Variants in IRF2BPL observed in about 807,000 individuals in gnomAD.
The protein encoded by IRF2BPL is probable E3 ubiquitin-protein ligase IRF2BPL.
IRF2BPL carries 13 observed loss-of-function variants against 51.2 expected under a neutral mutation model. That is an observed-to-expected ratio of 0.25 (90% CI 0.17 to 0.40). The LOEUF (loss-of-function observed/expected upper bound fraction) is 0.40, where lower values mean the gene tolerates loss of function less well. Among genes scored for constraint, IRF2BPL ranks in the 10% least tolerant of loss-of-function variants. The pLI is 1.00. For missense variants in IRF2BPL, 1,210 were observed against 1,111.8 expected, an observed-to-expected ratio of 1.09 and a Z score of -1.26; for synonymous variants, 768 against 509.2, an observed-to-expected ratio of 1.51 and a Z score of -6.84.
Position 77,026,923 on chromosome 14 carries a change from TG to T in IRF2BPL, c.869del (p.Pro290GlnfsTer55). ...GSRGPPTPAP[P>X]GAPGGPACLG... ...GACAAGCGGGGCCCCCAGGAGCCCCTGGGGGAGCAGGCGTCGGGGGCCCACG... is the reference window on the plus strand; with the variant it reads ...GACAAGCGGGGCCCCCAGGAGCCCCTGGGGAGCAGGCGTCGGGGGCCCACG... On this transcript the variant is annotated frameshift_variant, in exon 1 of 1. Transcript: ENST00000238647. LOFTEE classifies it high-confidence loss of function. 6.8e-7 allele frequency: 1 copy of T among 1,475,656 alleles called. No individual in the cohort carries two copies. 91.4% of individuals were successfully genotyped at this position (1,475,656 alleles called of 1,614,324 possible). A position where few individuals can be genotyped will look rare whatever the true frequency, so the allele number is the denominator to read the frequency against.
In IRF2BPL at chr14:77,027,173, C is replaced by G; in HGVS notation, c.620G>C (p.Gly207Ala). 6.2e-7 allele frequency: 1 copy of G among 1,612,850 alleles called. No homozygotes were observed. Among genetic ancestry groups the G allele is most frequent in the Non-Finnish European group, 8.5e-7 (1 of 1,179,542 alleles). The change falls in exon 1 of 1, where the codon GGA becomes GCA. Residue 207 changes from glycine to alanine, a missense_variant. By Grantham distance (60) the Gly-to-Ala change is moderately conservative. Coordinates refer to ENST00000238647, the MANE Select transcript of IRF2BPL (RefSeq NM_024496.4). ...GCTCTGACGGTTCAGCTCTGGGGGTCCCTCCTCTGGTGTTGGTTTGGGGAA... is the reference window on the plus strand; with the variant it reads ...GCTCTGACGGTTCAGCTCTGGGGGTGCCTCCTCTGGTGTTGGTTTGGGGAA... The part of the protein sequence containing the change: ...NGFPKPTPEE[G>A]PPELNRQSPN...
At position 77,027,528 on chromosome 14, in the gene IRF2BPL, C is replaced by T; in HGVS notation, c.265G>A (p.Ala89Thr). ...GCCGCCGCTGCTGCCGCCGCCGCCGCCGCTTCCTTAGCCGACAGGGCCACT... is the reference window on the plus strand; with the variant it reads ...GCCGCCGCTGCTGCCGCCGCCGCCGTCGCTTCCTTAGCCGACAGGGCCACT... ...KTVALSAKEA[A>T]AAAAAAAAAA... Residue 89 changes from alanine (A) to threonine (T), a missense_variant, in exon 1 of 1, where the codon GCG becomes ACG. Physicochemically the swap from Ala to Thr is moderately conservative, Grantham distance 58. Transcript: ENST00000238647. 2 of 708,908 alleles carry T rather than the reference C, an allele frequency of 2.8e-6. No individual in the cohort carries two copies. Among genetic ancestry groups the T allele is most frequent in the East Asian group, 1.3e-4 (1 of 7,738 alleles). 43.9% of individuals were successfully genotyped at this position (708,908 alleles called of 1,614,324 possible).
Position 77,027,867 on chromosome 14 carries a change from G to C in IRF2BPL, c.-75C>G, listed in dbSNP as rs1472744850. The stretch of plus-strand genomic sequence containing the variant: ...GCCTTCTCCTCCGGGAGGACTGGCC[G>C]GCTGGGGAGGGAGTCCGACTGCGGG... On this transcript the variant is annotated 5_prime_UTR_variant, in exon 1 of 1. Transcript: ENST00000238647. 2 of 1,407,462 alleles carry C rather than the reference G, an allele frequency of 1.4e-6. No individual in the cohort carries two copies. The highest frequency in any genetic ancestry group is 1.9e-6 in the Non-Finnish European group (2 of 1,076,232). 87.2% of individuals were successfully genotyped at this position (1,407,462 alleles called of 1,614,324 possible). A position where few individuals can be genotyped will look rare whatever the true frequency, so the allele number is the denominator to read the frequency against.
rs1483462957 is a variant in IRF2BPL, at chr14:77,025,170, A to C, written c.*232T>G. On this transcript the variant is annotated 3_prime_UTR_variant, in exon 1 of 1. Coordinates refer to ENST00000238647, the MANE Select transcript of IRF2BPL (RefSeq NM_024496.4). ...TGACCCAACCAATACTATACTGCTT[A>C]ACACAAACCAGCTTATCCTTCAAAT... 3.9e-5 allele frequency: 16 copies of C among 408,660 alleles called. No individual in the cohort carries two copies. The highest frequency in any genetic ancestry group is 6.6e-5 in the Non-Finnish European group (15 of 228,186). The allele number at this position is 408,660 out of a possible 1,614,324, so 25.3% of individuals were successfully genotyped here.
chr14:77,027,880 G>A lies in IRF2BPL; in HGVS notation c.-88C>T, dbSNP rs369705814. ...GGAGGACTGGCCGGCTGGGGAGGGAGTCCGACTGCGGGGGAGGGAGGAGGG... is the reference window on the plus strand; with the variant it reads ...GGAGGACTGGCCGGCTGGGGAGGGAATCCGACTGCGGGGGAGGGAGGAGGG... On this transcript the variant is annotated 5_prime_UTR_variant, in exon 1 of 1. Transcript: ENST00000238647. The A allele has an allele frequency of 1.1e-4, 156 of 1,389,360 alleles. 1 individual carries two copies. In the East Asian group the frequency reaches 2.9e-3, roughly 26 times the overall value. 86.1% of individuals were successfully genotyped at this position (1,389,360 alleles called of 1,614,324 possible). A position where few individuals can be genotyped will look rare whatever the true frequency, so the allele number is the denominator to read the frequency against.
Position 77,028,035 on chromosome 14 carries a change from A to G in IRF2BPL, c.-243T>C. ...AGCCCTCTCTTCGCCCCCACCTCCT[A>G]CTGCGGTTGACTCGTCGCGAGGGGA... is the stretch of plus-strand genomic sequence containing the variant. On this transcript the variant is annotated 5_prime_UTR_variant, in exon 1 of 1. Coordinates refer to ENST00000238647, the MANE Select transcript of IRF2BPL (RefSeq NM_024496.4). 1 of 412,988 alleles carries G rather than the reference A, an allele frequency of 2.4e-6. No homozygotes were observed. 25.6% of individuals were successfully genotyped at this position (412,988 alleles called of 1,614,324 possible). A position where few individuals can be genotyped will look rare whatever the true frequency, so the allele number is the denominator to read the frequency against.
chr14:77,027,447 GCTGTT>G lies in IRF2BPL; in HGVS notation c.341_345del (p.Gln114ProfsTer17). On this transcript the variant is annotated frameshift_variant, in exon 1 of 1. Transcript: ENST00000238647. LOFTEE classifies it high-confidence loss of function. ...TGCTGCTGCTGCTGCTGCTGCTGCT[GCTGTT>G]GCTGCTGCTGCTGCTGCTGTTGCTG... is the stretch of plus-strand genomic sequence containing the variant. 1 of 889,504 alleles carries G rather than the reference GCTGTT, an allele frequency of 1.1e-6. No individual in the cohort carries two copies. Among genetic ancestry groups the G allele is most frequent in the Non-Finnish European group, 1.6e-6 (1 of 636,624 alleles). 55.1% of individuals were successfully genotyped at this position (889,504 alleles called of 1,614,324 possible). A position where few individuals can be genotyped will look rare whatever the true frequency, so the allele number is the denominator to read the frequency against.
In IRF2BPL at chr14:77,026,712, G is replaced by A; in HGVS notation, c.1081C>T (p.Leu361=). ...GCCCACTCCTCGGCGCGGTTGCGCA[G>A]GCTCTCGCTCAGCTCGGCCAGGGCC... ...AEALAELSES[L]RNRAEEWASK... is the part of the protein sequence containing the mutation. Residue 361 remains leucine, a synonymous_variant, in exon 1 of 1, where the codon CTG becomes TTG. Coordinates refer to ENST00000238647, the MANE Select transcript of IRF2BPL (RefSeq NM_024496.4). The A allele has an allele frequency of 1.9e-6, 3 of 1,612,712 alleles. No homozygotes were observed. The highest frequency in any genetic ancestry group is 2.5e-6 in the Non-Finnish European group (3 of 1,179,710).
chr14:77,027,898 G>C lies in IRF2BPL; in HGVS notation c.-106C>G. 4.5e-6 allele frequency: 6 copies of C among 1,321,480 alleles called. No homozygotes were observed. The highest frequency in any genetic ancestry group is 5.9e-6 in the Non-Finnish European group (6 of 1,010,018). 81.9% of individuals were successfully genotyped at this position (1,321,480 alleles called of 1,614,324 possible). A position where few individuals can be genotyped will look rare whatever the true frequency, so the allele number is the denominator to read the frequency against. On this transcript the variant is annotated 5_prime_UTR_variant, in exon 1 of 1. Transcript: ENST00000238647. ...GGAGGGAGTCCGACTGCGGGGGAGG[G>C]AGGAGGGGGGGCGAGAAAGTTCTGC... is the stretch of plus-strand genomic sequence containing the variant.
rs775653387 is a variant in IRF2BPL at position 77,026,900 on chromosome 14, C to T, written c.893G>A (p.Cys298Tyr). Residue 298 changes from cysteine to tyrosine, a missense_variant, in exon 1 of 1, where the codon TGT becomes TAT. By Grantham distance (194) the Cys-to-Tyr change is radical (BLOSUM62 -2). Transcript: ENST00000238647. ...APPGAPGGPA[C>Y]LGGTPGVSAT... Reference sequence around the variant, plus strand: ...CGATACACCCGGGGTACCCCCGAGACAAGCGGGGCCCCCAGGAGCCCCTGG... The same window carrying T: ...CGATACACCCGGGGTACCCCCGAGATAAGCGGGGCCCCCAGGAGCCCCTGG... The T allele has an allele frequency of 6.6e-7, 1 of 1,515,706 alleles. No homozygotes were observed. The highest frequency in any genetic ancestry group is 8.8e-7 in the Non-Finnish European group (1 of 1,132,986). 93.9% of individuals were successfully genotyped at this position (1,515,706 alleles called of 1,614,324 possible).
At position 77,025,128 on chromosome 14, in the gene IRF2BPL, T is replaced by A. The variant is rs558086744; in HGVS notation, c.*274A>T. On this transcript the variant is annotated 3_prime_UTR_variant, in exon 1 of 1. Transcript: ENST00000238647. Reference sequence around the variant, plus strand: ...AAACATTCTGCCACCAAATAAATGCTAACGATATGATGCAAATGACCCAAC... The same window carrying A: ...AAACATTCTGCCACCAAATAAATGCAAACGATATGATGCAAATGACCCAAC... 2 of 283,350 alleles carry A rather than the reference T, an allele frequency of 7.1e-6. No individual in the cohort carries two copies. The highest frequency in any genetic ancestry group is 1.3e-5 in the Non-Finnish European group (2 of 152,380). 17.6% of individuals were successfully genotyped at this position (283,350 alleles called of 1,614,324 possible). A position where few individuals can be genotyped will look rare whatever the true frequency, so the allele number is the denominator to read the frequency against.
At position 77,027,514 on chromosome 14, in the gene IRF2BPL, T is replaced by C. The variant is rs1052192303; in HGVS notation, c.279A>G (p.Ala93=). ...CGGCGGCGGCGGCGGCCGCCGCTGC[T>C]GCCGCCGCCGCCGCCGCTTCCTTAG... ...LSAKEAAAAA[A]AAAAAAAAAQ... is the part of the protein sequence containing the mutation. The change falls in exon 1 of 1, where the codon GCA becomes GCG. Residue 93 remains alanine, a synonymous_variant. Coordinates refer to ENST00000238647, the MANE Select transcript of IRF2BPL (RefSeq NM_024496.4). The C allele has an allele frequency of 4.2e-4, 271 of 648,404 alleles. No individual in the cohort carries two copies. The highest frequency in any genetic ancestry group is 2.7e-3 in the African/African-American group (130 of 47,948). The allele number at this position is 648,404 out of a possible 1,614,324, so 40.2% of individuals were successfully genotyped here.
chr14:77,026,014 C>A lies in IRF2BPL; in HGVS notation c.1779G>T (p.Ala593=), dbSNP rs758523985. The A allele has an allele frequency of 1.9e-6, 3 of 1,564,468 alleles. No homozygotes were observed. Among genetic ancestry groups the A allele is most frequent in the Middle Eastern group, 1.7e-4 (1 of 5,974 alleles). The change falls in exon 1 of 1, where the codon GCG becomes GCT. Residue 593 remains alanine, a synonymous_variant. Transcript: ENST00000238647. ...GTGGGGGCGGCGGAGGCGGACCCCC[C>A]GCCGCGTGCCCCGGCGCCGCGAAGC... is the stretch of plus-strand genomic sequence containing the variant. ...AGGFAAPGHA[A]GGPPPPPPPL...
At position 77,025,591 on chromosome 14, in the gene IRF2BPL, G is replaced by T. The variant is rs1340340863; in HGVS notation, c.2202C>A (p.Pro734=). 2.5e-6 allele frequency: 4 copies of T among 1,605,968 alleles called. No homozygotes were observed. The highest frequency in any genetic ancestry group is 2.6e-6 in the Non-Finnish European group (3 of 1,175,942). ...AGCAAGGGAAGCAAAATTTGTGGCT[G>T]GGGACGGAAGGGCACTGAACGAAAT... ...DTHFVQCPSV[P]SHKFCFPCSR... is the part of the protein sequence containing the mutation. Residue 734 remains proline, a synonymous_variant, in exon 1 of 1, where the codon CCC becomes CCA. Coordinates refer to ENST00000238647, the MANE Select transcript of IRF2BPL (RefSeq NM_024496.4).
At position 77,028,598 on chromosome 14, in the gene IRF2BPL, C is replaced by T. The variant is rs947439756; in HGVS notation, c.-806G>A. 1 of 386,926 alleles carries T rather than the reference C, an allele frequency of 2.6e-6. No homozygotes were observed. Among genetic ancestry groups the T allele is most frequent in the Non-Finnish European group, 4.6e-6 (1 of 218,504 alleles). The allele number at this position is 386,926 out of a possible 1,614,324, so 24.0% of individuals were successfully genotyped here. On this transcript the variant is annotated 5_prime_UTR_variant, in exon 1 of 1. Coordinates refer to ENST00000238647, the MANE Select transcript of IRF2BPL (RefSeq NM_024496.4). ...CGCGGCGCCTCGGCCCGGGTCGCAT[C>T]CCTTCCCGCTCGTGCTCACGCTCGC...
rs148905018 is a variant in IRF2BPL at position 77,027,140 on chromosome 14, G to A, written c.653C>T (p.Ser218Phe). 72 of 1,613,122 alleles carry A rather than the reference G, an allele frequency of 4.5e-5. No individual in the cohort carries two copies. Among genetic ancestry groups the A allele is most frequent in the Admixed American group, 2.5e-4 (15 of 59,982 alleles). The change falls in exon 1 of 1, where the codon TCT (serine) becomes TTT (phenylalanine). Residue 218 changes from serine (S) to phenylalanine (F), a missense_variant. Ser to Phe is a radical substitution (Grantham distance 155). Transcript: ENST00000238647. ...PPELNRQSPN[S>F]SSAAASVASR... ...CGCCACCGACGCCGCCGCTGAAGAA[G>A]AATTGGGGCTCTGACGGTTCAGCTC...
rs1443504708 is a variant in IRF2BPL, at chr14:77,027,191, T to G, written c.602A>C (p.Lys201Thr). 5 of 1,611,652 alleles carry G rather than the reference T, an allele frequency of 3.1e-6. No individual in the cohort carries two copies. In the East Asian group the frequency reaches 1.1e-4, roughly 36 times the overall value. ...TGGGGGTCCCTCCTCTGGTGTTGGT[T>G]TGGGGAAGCCGTTTGGGCCCCCCAG... ...NGLGGPNGFP[K>T]PTPEEGPPEL... The change falls in exon 1 of 1, where the codon AAA becomes ACA. Residue 201 changes from lysine (K) to threonine (T), a missense_variant. Coordinates refer to ENST00000238647, the MANE Select transcript of IRF2BPL (RefSeq NM_024496.4).
rs1885058184 is a variant in IRF2BPL at position 77,024,837 on chromosome 14, CAAAACAAA to C, written c.*557_*564del. On this transcript the variant is annotated 3_prime_UTR_variant, in exon 1 of 1. Transcript: ENST00000238647. ...CCATTTTGCAAACAAAACAGAAAAACAAAACAAAACAACAAAATAAAGTGAAGACTTCA... is the reference window on the plus strand; with the variant it reads ...CCATTTTGCAAACAAAACAGAAAAACACAACAAAATAAAGTGAAGACTTCA... 1 of 13,490 alleles carries C rather than the reference CAAAACAAA, an allele frequency of 7.4e-5. No homozygotes were observed. The highest frequency in any genetic ancestry group is 3.2e-4 in the Non-Finnish European group (1 of 3,092). 0.8% of individuals were successfully genotyped at this position (13,490 alleles called of 1,614,324 possible). A position where few individuals can be genotyped will look rare whatever the true frequency, so the allele number is the denominator to read the frequency against.
chr14:77,028,380 C>T lies in IRF2BPL; in HGVS notation c.-588G>A, dbSNP rs925361863. 3.5e-5 allele frequency: 9 copies of T among 258,928 alleles called. No individual in the cohort carries two copies. The highest frequency in any genetic ancestry group is 5.4e-5 in the Non-Finnish European group (7 of 130,208). 16.0% of individuals were successfully genotyped at this position (258,928 alleles called of 1,614,324 possible). A position where few individuals can be genotyped will look rare whatever the true frequency, so the allele number is the denominator to read the frequency against. ...TGGCAGCCGAGAAAGGACCTTCTCC[C>T]CTCCGCAGCGTCGGCCGTTCTGCTG... is the stretch of plus-strand genomic sequence containing the variant. On this transcript the variant is annotated 5_prime_UTR_variant, in exon 1 of 1. Transcript: ENST00000238647.
Sources: allele counts gnomAD v4.1 joint callset, GRCh38; gene constraint gnomAD v4.1.1; transcripts MANE v1.5; gene names NCBI Gene and HGNC (gene_info 2026-07-23, HGNC 2026-07-21).